Variants in GREB1L observed in about 807,000 individuals in gnomAD.
GREB1L encodes GREB1 like retinoic acid receptor coactivator, also known as GREB1-like protein.
Under a neutral mutation model 200.8 loss-of-function variants are expected in GREB1L, and 17 were observed. The ratio of observed to expected loss-of-function variants is 0.08; its 90% confidence interval spans 0.06 to 0.13. The LOEUF (loss-of-function observed/expected upper bound fraction) is 0.13, where lower values mean the gene tolerates loss of function less well. Among genes scored for constraint, GREB1L ranks in the 10% least tolerant of loss-of-function variants. The pLI, the probability that GREB1L is intolerant of heterozygous loss-of-function variation, is 1.00. For missense variants in GREB1L, 1,657 were observed against 2,367.7 expected (o/e 0.70, Z 6.23); for synonymous variants, 789 against 893.0 (o/e 0.88, Z 2.08).
intron 4 of GREB1L, among the ~76,000 whole-genome samples, chr18:21,386,593 C>CTTTTTT (rs35010034): frequency 4.3e-5 from 5 of 115,176 alleles, no homozygotes; most frequent in African/African-American, 1.5e-4. Flanking sequence ...TGGCCAGTAG[C>CTTTTTT]TTTTTTTTTT....
chr18:21,410,467 G>A (rs1379149872), intron 7 of GREB1L, among the ~76,000 whole-genome samples: 3 of 151,930 alleles, frequency 2.0e-5, no homozygotes, highest in Non-Finnish European at 4.4e-5. Flanking sequence ...ACCAGCCTGG[G>A]CAACATGGCA....
At chr18:21,457,971 T>TC (rs1369134880) in intron 15 of GREB1L, among the ~76,000 whole-genome samples, 1 of 150,424 alleles carries the variant, frequency 6.6e-6, no homozygotes, top group East Asian at 1.9e-4. Context: ...ACAGTTTTTT[T>TC]TTTTTTTTTT....
intron 2 of GREB1L, among the ~76,000 whole-genome samples, chr18:21,382,484 A>G (rs1245474130): frequency 6.6e-6 from 1 of 150,800 alleles, no homozygotes; most frequent in East Asian, 1.9e-4. Context: ...TTATTGTTAT[A>G]CATGGAATTT....
intron 16 of GREB1L, among the ~76,000 whole-genome samples, chr18:21,473,953 G>A (rs565896343): frequency 1.3e-4 from 20 of 152,232 alleles, no homozygotes; most frequent in South Asian, 4.2e-4. Context: ...ATCAGATCTC[G>A]TGAGACTTAC....
chr18:21,499,410 G>A (rs1357498380), intron 21 of GREB1L, among the ~76,000 whole-genome samples: 2 of 152,142 alleles, frequency 1.3e-5, no homozygotes, highest in East Asian at 1.9e-4. Flanking sequence ...ACAGGGAGGG[G>A]TGGGAGCACC....
intron 7 of GREB1L, among the ~76,000 whole-genome samples, chr18:21,426,934 G>C (rs1036880902): frequency 6.8e-6 from 1 of 146,406 alleles, no homozygotes; most frequent in Non-Finnish European, 1.5e-5. Flanking sequence ...ACTCCAGCCT[G>C]GGCAACAGAG....
chr18:21,358,188 A>T (rs1248213142), intron 1 of GREB1L, among the ~76,000 whole-genome samples: 5 of 150,698 alleles, frequency 3.3e-5, no homozygotes, highest in Admixed American at 6.6e-5. Flanking sequence ...GTATTCCTAA[A>T]TTTTTTTTTT....
At chr18:21,284,084 C>T (rs1598628859) in intron 1 of GREB1L, among the ~76,000 whole-genome samples, 1 of 152,140 alleles carries the variant, frequency 6.6e-6, no homozygotes, top group Non-Finnish European at 1.5e-5. Flanking sequence ...TCCCTGCCAC[C>T]CCCTTTGTAT....
chr18:21,378,860 ATTAAT>A (rs1344104265), intron 2 of GREB1L, among the ~76,000 whole-genome samples: 1 of 150,878 alleles, frequency 6.6e-6, no homozygotes, highest in African/African-American at 2.4e-5. Flanking sequence ...CCATTTTTAA[ATTAAT>A]TTAGTGTTTT....
chr18:21,424,315 C>T (rs936804294), intron 7 of GREB1L, among the ~76,000 whole-genome samples: 3 of 152,182 alleles, frequency 2.0e-5, no homozygotes, highest in African/African-American at 7.2e-5. Context: ...AGCCTGTAAT[C>T]CTAGCACTTT....
chr18:21,383,462 CTAAT>C (rs987750222), intron 2 of GREB1L, 44 bp from the exon 3 acceptor site: 2 of 1,369,102 alleles, frequency 1.5e-6, no homozygotes, highest in African/African-American at 1.5e-5. Context: ...CATAGAACCT[CTAAT>C]TATATCAATT....
rs796685028 is a variant in GREB1L, at chr18:21,296,659, GT to G, written c.-120+54279del. Among the ~76,000 whole-genome samples, 529 of 141,934 alleles carry G rather than the reference GT, an allele frequency of 3.7e-3. 2 individuals are homozygous for G. Among genetic ancestry groups the G allele is most frequent in the African/African-American group, 0.012 (450 of 38,820 alleles). 93.1% of individuals were successfully genotyped at this position (141,934 alleles called of 152,430 possible). On this transcript the variant is annotated intron_variant, in intron 1 of 32. Transcript: ENST00000424526. ...ATCATTCAGCTTTTCTTTGTTTTTT[GT>G]TTTTTTTTTTTTGAGACAGAGTCTC...
At chr18:21,271,468 G>C (rs2144283811) in intron 1 of GREB1L, among the ~76,000 whole-genome samples, 1 of 151,516 alleles carries the variant, frequency 6.6e-6, no homozygotes, top group African/African-American at 2.4e-5. Context: ...GCAATACAGT[G>C]AGACTCTGTC....
chr18:21,283,862 G>A (rs1409871731), intron 1 of GREB1L, among the ~76,000 whole-genome samples: 2 of 152,058 alleles, frequency 1.3e-5, no homozygotes, highest in East Asian at 3.9e-4. Flanking sequence ...AAGGAACAAT[G>A]TGTGTTTTCC....
intron 1 of GREB1L, among the ~76,000 whole-genome samples, chr18:21,309,782 C>T (rs765168613): frequency 5.9e-5 from 9 of 152,004 alleles, no homozygotes; most frequent in Non-Finnish European, 1.2e-4. Context: ...ATCCAAATCA[C>T]GGTCTAGCAA....
intron 7 of GREB1L, among the ~76,000 whole-genome samples, chr18:21,424,297 G>A (rs1428276744): frequency 6.6e-6 from 1 of 152,214 alleles, no homozygotes; most frequent in East Asian, 1.9e-4. Context: ...GCCAGGTGCA[G>A]TGGCTCAAGC....
At chr18:21,419,785 A>G (rs2031989374) in intron 7 of GREB1L, among the ~76,000 whole-genome samples, 2 of 152,236 alleles carry the variant, frequency 1.3e-5, no homozygotes, top group South Asian at 4.1e-4. Context: ...AAGACAATGC[A>G]ATGAAGAACG....
At chr18:21,461,902 T>C (rs2035062219) in intron 15 of GREB1L, among the ~76,000 whole-genome samples, 1 of 152,182 alleles carries the variant, frequency 6.6e-6, no homozygotes, top group African/African-American at 2.4e-5. Flanking sequence ...ACAAATTTAG[T>C]CATTAAAGCC....
intron 1 of GREB1L, among the ~76,000 whole-genome samples, chr18:21,361,150 T>C (rs1329865649): frequency 6.6e-6 from 1 of 152,196 alleles, no homozygotes; most frequent in Non-Finnish European, 1.5e-5. Context: ...CTGGCTAATG[T>C]GGTCCAAAAC....
Sources: allele counts gnomAD v4.1 joint callset (sites outside exome capture counted in the v4.1 genomes callset), GRCh38; gene constraint gnomAD v4.1.1; transcripts MANE v1.5; gene names NCBI Gene and HGNC (gene_info 2026-07-23, HGNC 2026-07-21).